Variants in SMAD7 observed in about 807,000 individuals in gnomAD.
The protein encoded by SMAD7 is SMAD family member 7, also known as MAD (mothers against decapentaplegic, Drosophila) homolog 7.
A neutral mutation model predicts 38.7 loss-of-function variants in SMAD7; 8 were observed. That is an observed-to-expected ratio of 0.21 (90% CI 0.12 to 0.37). SMAD7 has a LOEUF of 0.37. Ranked by LOEUF, SMAD7 falls within the 10% of genes least tolerant of loss-of-function variation. The probability of loss-of-function intolerance (pLI) is 1.00; values close to 1 mark genes in which losing one functional copy is unlikely to be tolerated. For missense variants in SMAD7, 477 were observed against 577.9 expected (o/e 0.83, Z 1.79); for synonymous variants, 327 against 265.1 (o/e 1.23, Z -2.27).
intron 3 of SMAD7, among the ~76,000 whole-genome samples, chr18:48,939,608 T>C (rs1038893899): frequency 2.6e-5 from 4 of 151,578 alleles, no homozygotes; most frequent in African/African-American, 7.3e-5. Context: ...TCGGCTGTTT[T>C]TTCTTTCCCT....
intron 3 of SMAD7, among the ~76,000 whole-genome samples, chr18:48,927,269 C>CGATGAATCCTG (rs2069939835): frequency 6.6e-6 from 1 of 151,954 alleles, no homozygotes; most frequent in Admixed American, 6.6e-5. Flanking sequence ...ACAGATCAGA[C>CGATGAATCCTG]GATGAATCCT....
chr18:48,940,978 C>A (rs780435839), intron 3 of SMAD7, among the ~76,000 whole-genome samples: 4 of 152,150 alleles, frequency 2.6e-5, no homozygotes, highest in Non-Finnish European at 5.9e-5. Flanking sequence ...CGAAAGGACC[C>A]TTTCAAAAGC....
At chr18:48,948,654 G>A (rs902074199) in intron 1 of SMAD7, 4 of 415,394 alleles carry the variant, frequency 9.6e-6, no homozygotes, top group Admixed American at 4.9e-5. Flanking sequence ...CCACGTCTGC[G>A]GCCGCAGCCG....
chr18:48,940,044 T>TC (rs2070119358), intron 3 of SMAD7, among the ~76,000 whole-genome samples: 1 of 152,086 alleles, frequency 6.6e-6, no homozygotes, highest in East Asian at 1.9e-4. Flanking sequence ...TGGAAGGCAT[T>TC]CTCGCTACAA....
In SMAD7 at chr18:48,950,533, A is replaced by ACAG. The variant is rs930356886; in HGVS notation, c.-112_-110dup. ...CGAGTTGGGGCAGCAGGCGCAGGCG[A>ACAG]CAGCAGCAGCAGCAGGGGCCCGGGC... On this transcript the variant is annotated 5_prime_UTR_variant, in exon 1 of 4. Coordinates refer to ENST00000262158, the MANE Select transcript of SMAD7 (RefSeq NM_005904.4). 1.5e-5 allele frequency: 17 copies of ACAG among 1,109,284 alleles called. No homozygotes were observed. The highest frequency in any genetic ancestry group is 2.1e-5 in the Non-Finnish European group (17 of 817,194). 68.7% of individuals were successfully genotyped at this position (1,109,284 alleles called of 1,614,324 possible). A position where few individuals can be genotyped will look rare whatever the true frequency, so the allele number is the denominator to read the frequency against.
chr18:48,922,517 A>T (rs1437531645), intron 3 of SMAD7, among the ~76,000 whole-genome samples: 1 of 148,170 alleles, frequency 6.7e-6, no homozygotes, highest in Non-Finnish European at 1.5e-5. Context: ...CCTATCTGGT[A>T]AAAATAAAAA....
chr18:48,950,051 C>T lies in SMAD7; in HGVS notation c.374G>A (p.Cys125Tyr). 7.0e-7 allele frequency: 1 copy of T among 1,433,976 alleles called. No homozygotes were observed. Among genetic ancestry groups the T allele is most frequent in the South Asian group, 1.5e-5 (1 of 67,700 alleles). The allele number at this position is 1,433,976 out of a possible 1,614,324, so 88.8% of individuals were successfully genotyped here. The part of the protein sequence containing the change: ...VESRGGTRTA[C>Y]LLLPGRLDCR... The stretch of plus-strand genomic sequence containing the variant: ...GTCCAGGCGGCCGGGCAGCAGGAGG[C>T]ACGCGGTGCGCGTCCCGCCGCGGGA... Residue 125 changes from cysteine (C) to tyrosine (Y), a missense_variant, in exon 1 of 4, where the codon TGC becomes TAC. Coordinates refer to ENST00000262158, the MANE Select transcript of SMAD7 (RefSeq NM_005904.4).
intron 3 of SMAD7, among the ~76,000 whole-genome samples, chr18:48,939,376 C>G (rs941720697): frequency 2.2e-5 from 3 of 137,706 alleles, no homozygotes; most frequent in African/African-American, 8.3e-5. Context: ...CGTCTACCCA[C>G]CCCCCCACAC....
chr18:48,942,787 C>A, intron 2 of SMAD7: 1 of 1,372,278 alleles, frequency 7.3e-7, no homozygotes, highest in Non-Finnish European at 9.4e-7. Context: ...AATCATTACT[C>A]GAGTCAGGCT....
Position 48,933,352 on chromosome 18 carries a change from C to G in SMAD7, c.742+9129G>C, listed in dbSNP as rs929812911. On this transcript the variant is annotated intron_variant, in intron 3 of 3. Transcript: ENST00000262158. ...TAGAGGCAACTCCTAGTCAATCCCC[C>G]CTCCCGCCGGCTCCATCCCCATGGA... Among the ~76,000 whole-genome samples, 16 of 152,310 alleles carry G rather than the reference C, an allele frequency of 1.1e-4. 1 individual carries two copies. The highest frequency in any genetic ancestry group is 3.6e-4 in the African/African-American group (15 of 41,568).
chr18:48,929,573 T>TCACACACACA lies in SMAD7; in HGVS notation c.743-7673_743-7664dup, dbSNP rs6146310. Among the ~76,000 whole-genome samples the TCACACACACA allele has an allele frequency of 2.9e-5, 4 of 137,422 alleles. No individual in the cohort carries two copies. The East Asian group carries it at 8.8e-4, about 30-fold the overall frequency. The allele number at this position is 137,422 out of a possible 152,430, so 90.2% of individuals were successfully genotyped here. ...CTTTCTCTCTCTCTCTCTCTCTCACTCACACACACACACACACACACACAC... is the reference window on the plus strand; with the variant it reads ...CTTTCTCTCTCTCTCTCTCTCTCACTCACACACACACACACACACACACACACACACACAC... On this transcript the variant is annotated intron_variant, in intron 3 of 3. Transcript: ENST00000262158.
intron 3 of SMAD7, among the ~76,000 whole-genome samples, chr18:48,922,183 C>T (rs1465029654): frequency 6.6e-6 from 1 of 152,228 alleles, no homozygotes; most frequent in Non-Finnish European, 1.5e-5. Context: ...CTGTGCCCAC[C>T]TGGCCAACAA....
At chr18:48,927,564 C>G (rs7226807) in intron 3 of SMAD7, among the ~76,000 whole-genome samples, 2,801 of 152,286 alleles carry the variant, frequency 0.018, 94 homozygotes, top group African/African-American at 0.065. Context: ...TGCAGCCTCC[C>G]GGTAAGTTCA....
chr18:48,941,623 G>T (rs1389979351), intron 3 of SMAD7, among the ~76,000 whole-genome samples: 1 of 152,188 alleles, frequency 6.6e-6, no homozygotes, highest in Non-Finnish European at 1.5e-5. Flanking sequence ...CTGTTTTTAA[G>T]GTCGTTTTCC....
At position 48,950,047 on chromosome 18, in the gene SMAD7, G is replaced by A; in HGVS notation, c.378C>T (p.Leu126=). The A allele has an allele frequency of 7.0e-7, 1 of 1,435,052 alleles. No homozygotes were observed. Among genetic ancestry groups the A allele is most frequent in the Admixed American group, 3.3e-5 (1 of 30,122 alleles). 88.9% of individuals were successfully genotyped at this position (1,435,052 alleles called of 1,614,324 possible). A position where few individuals can be genotyped will look rare whatever the true frequency, so the allele number is the denominator to read the frequency against. Residue 126 remains leucine (L), a synonymous_variant, in exon 1 of 4, where the codon CTC becomes CTT. Transcript: ENST00000262158. ...TGCAGTCCAGGCGGCCGGGCAGCAG[G>A]AGGCACGCGGTGCGCGTCCCGCCGC... ...ESRGGTRTAC[L]LLPGRLDCRL... is the part of the protein sequence containing the mutation.
At chr18:48,938,212 G>A (rs2070093782) in intron 3 of SMAD7, among the ~76,000 whole-genome samples, 2 of 152,174 alleles carry the variant, frequency 1.3e-5, no homozygotes, top group Admixed American at 6.5e-5. Flanking sequence ...TGCCAGCAAG[G>A]ATCAAAGAGA....
chr18:48,925,957 A>G (rs2337113), intron 3 of SMAD7, among the ~76,000 whole-genome samples: 71,711 of 151,964 alleles, frequency 0.47, 17,139 homozygotes, highest in South Asian at 0.69. Context: ...CGTGTTAGCC[A>G]GGATGGTCTC....
In SMAD7 at chr18:48,921,954, G is replaced by T; in HGVS notation, c.743-44C>A. 6.7e-7 allele frequency: 1 copy of T among 1,494,894 alleles called. No individual in the cohort carries two copies. The highest frequency in any genetic ancestry group is 9.0e-7 in the Non-Finnish European group (1 of 1,109,462). The allele number at this position is 1,494,894 out of a possible 1,614,324, so 92.6% of individuals were successfully genotyped here. On this transcript the variant is annotated intron_variant, in intron 3 of 3. Transcript: ENST00000262158. The surrounding 1 kb of genome is among the most constrained non-coding windows in gnomAD (Gnocchi z 6.4). ...GAGAGGGTTAGTGGGGACAGGCATTGGTGACTCCTAGAATGAAGACACCCG... is the reference window on the plus strand; with the variant it reads ...GAGAGGGTTAGTGGGGACAGGCATTTGTGACTCCTAGAATGAAGACACCCG...
intron 3 of SMAD7, among the ~76,000 whole-genome samples, chr18:48,932,812 C>T (rs545859697): frequency 6.6e-6 from 1 of 152,210 alleles, no homozygotes; most frequent in Non-Finnish European, 1.5e-5. Flanking sequence ...TTCCTTCATC[C>T]CCCAGATGGT....
Sources: allele counts gnomAD v4.1 joint callset (sites outside exome capture counted in the v4.1 genomes callset), GRCh38; gene constraint gnomAD v4.1.1; non-coding constraint Gnocchi (gnomAD v3.1); transcripts MANE v1.5; gene names NCBI Gene and HGNC (gene_info 2026-07-23, HGNC 2026-07-21).